Variants in APLF observed in about 807,000 individuals in gnomAD.
APLF encodes aprataxin and PNK-like factor.
In APLF, 61 loss-of-function variants were observed where a neutral mutation model predicts 55.6. That is an observed-to-expected ratio of 1.10 (90% CI 0.89 to 1.36). APLF has a LOEUF of 1.36. APLF is among the 40% of genes most tolerant of loss of function. APLF has a pLI of 0.00. For missense variants in APLF, 611 were observed against 602.5 expected, an observed-to-expected ratio of 1.01 and a Z score of -0.15; for synonymous variants, 207 against 214.8, an observed-to-expected ratio of 0.96 and a Z score of 0.32.
At position 68,513,134 on chromosome 2, in the gene APLF, C is replaced by T. The variant is rs771384417; in HGVS notation, c.396C>T (p.Pro132=). 9.9e-6 allele frequency: 16 copies of T among 1,611,174 alleles called. 1 individual carries two copies. The highest frequency in any genetic ancestry group is 8.8e-5 in the South Asian group (8 of 90,918). ...TATTGAATGAAACACCAAAATCCCC[C>T]GTGATTAATTTACCTCATGAGACTA... ...DNILNETPKS[P]VINLPHETTG... is the part of the protein sequence containing the mutation. The change falls in exon 4 of 10, where the codon CCC becomes CCT. Residue 132 remains proline (P), a synonymous_variant. Transcript: ENST00000303795.
intron 6 of APLF, among the ~76,000 whole-genome samples, chr2:68,533,259 G>A (rs1016557557): frequency 1.3e-5 from 2 of 152,192 alleles, no homozygotes; most frequent in Admixed American, 1.3e-4. Context: ...ATAAATTTCT[G>A]TTCTTTATAA....
rs201477991 is a variant in APLF at position 68,513,244 on chromosome 2, C to A, written c.489+17C>A. 434 of 1,592,870 alleles carry A rather than the reference C, an allele frequency of 2.7e-4. No homozygotes were observed. Among genetic ancestry groups the A allele is most frequent in the Non-Finnish European group, 3.5e-4 (411 of 1,172,058 alleles). ...AATAGTGTGGTGAGAAATTTGATAT[C>A]TCATCCATTTATAACATGTTCTTCA... is the stretch of plus-strand genomic sequence containing the variant. On this transcript the variant is annotated intron_variant, in intron 4 of 9. Transcript: ENST00000303795.
intron 5 of APLF, among the ~76,000 whole-genome samples, chr2:68,515,909 ATTGT>A (rs1669565756): frequency 6.6e-6 from 1 of 151,784 alleles, no homozygotes; most frequent in Non-Finnish European, 1.5e-5. Flanking sequence ...TTTTTAAAAA[ATTGT>A]TTTGTTTGTT....
At chr2:68,518,683 T>TATACAATA (rs1669756125) in intron 5 of APLF, among the ~76,000 whole-genome samples, 1 of 116,512 alleles carries the variant, frequency 8.6e-6, no homozygotes, top group African/African-American at 3.7e-5. Context: ...ATATCATGAA[T>TATACAATA]ATATATCATT....
rs769541441 is a variant in APLF, at chr2:68,526,050, A to T, written c.623-11A>T. ...GAAGATAATTTTCTTCTTTTTCTTT[A>T]TGTGTTTAAGGTAATGTAATCCAGG... On this transcript the variant is annotated splice_polypyrimidine_tract_variant and intron_variant, in intron 5 of 9. Coordinates refer to ENST00000303795, the MANE Select transcript of APLF (RefSeq NM_173545.3). 2 of 1,580,216 alleles carry T rather than the reference A, an allele frequency of 1.3e-6. No individual in the cohort carries two copies. Among genetic ancestry groups the T allele is most frequent in the Non-Finnish European group, 1.7e-6 (2 of 1,167,398 alleles).
At chr2:68,478,733 G>A (rs1675860954) in intron 1 of APLF, among the ~76,000 whole-genome samples, 1 of 152,056 alleles carries the variant, frequency 6.6e-6, no homozygotes. Flanking sequence ...AAAAAAAAAT[G>A]CCACAAAGGA....
chr2:68,502,412 T>C lies in APLF; in HGVS notation c.169-319T>C, dbSNP rs180881019. Among the ~76,000 whole-genome samples the C allele has an allele frequency of 2.8e-3, 432 of 152,252 alleles. 1 individual carries two copies. Among genetic ancestry groups the C allele is most frequent in the Non-Finnish European group, 4.7e-3 (320 of 68,012 alleles). On this transcript the variant is annotated intron_variant, in intron 2 of 9. Transcript: ENST00000303795. ...AAGAATTATTTTTCATATTTCTTCTTGTGATGTCTAGTTGTCTCTATTAAG... is the reference window on the plus strand; with the variant it reads ...AAGAATTATTTTTCATATTTCTTCTCGTGATGTCTAGTTGTCTCTATTAAG...
intron 5 of APLF, among the ~76,000 whole-genome samples, chr2:68,519,066 A>G (rs1010186721): frequency 8.7e-6 from 1 of 114,530 alleles, no homozygotes; most frequent in Non-Finnish European, 1.8e-5. Flanking sequence ...TAATTAATAT[A>G]TAATAATAAT....
In APLF at chr2:68,577,922, C is replaced by T; in HGVS notation, c.1436C>T (p.Thr479Ile). Residue 479 changes from threonine to isoleucine, a missense_variant, in exon 10 of 10, where the codon ACA (threonine) becomes ATA (isoleucine). Physicochemically the swap from Thr to Ile is moderately conservative, Grantham distance 89 (BLOSUM62 -1). Transcript: ENST00000303795. ...LDDEEEDYEP[T>I]DEDSDWEPGK... The stretch of plus-strand genomic sequence containing the variant: ...GATGAGGAAGAAGACTATGAGCCAA[C>T]AGATGAAGATTCTGACTGGGAACCA... 47 of 1,613,308 alleles carry T rather than the reference C, an allele frequency of 2.9e-5. No individual in the cohort carries two copies. Among genetic ancestry groups the T allele is most frequent in the African/African-American group, 4.0e-5 (3 of 74,868 alleles).
intron 5 of APLF, among the ~76,000 whole-genome samples, chr2:68,518,325 AATATATT>A (rs1392257402): frequency 3.5e-4 from 40 of 113,372 alleles, no homozygotes; most frequent in African/African-American, 1.4e-3. Flanking sequence ...AATAATATAT[AATATATT>A]AATAAATAAT....
At chr2:68,518,812 TA>T (rs1223703383) in intron 5 of APLF, among the ~76,000 whole-genome samples, 2 of 125,766 alleles carry the variant, frequency 1.6e-5, no homozygotes, top group East Asian at 4.6e-4. Context: ...TATCATATAA[TA>T]AAATATTAGT....
At chr2:68,497,918 A>G (rs1333965057) in intron 2 of APLF, among the ~76,000 whole-genome samples, 1 of 152,242 alleles carries the variant, frequency 6.6e-6, no homozygotes, top group Non-Finnish European at 1.5e-5. Flanking sequence ...CTTGAGTTGC[A>G]CATTAGAAAC....
At chr2:68,546,896 A>T (rs771904633) in intron 8 of APLF, among the ~76,000 whole-genome samples, 1 of 151,854 alleles carries the variant, frequency 6.6e-6, no homozygotes, top group Non-Finnish European at 1.5e-5. Flanking sequence ...GCGATTCAAG[A>T]CAGTATACTA....
intron 2 of APLF, among the ~76,000 whole-genome samples, chr2:68,500,167 A>G (rs1303285837): frequency 1.3e-5 from 2 of 152,172 alleles, no homozygotes; most frequent in Non-Finnish European, 2.9e-5. Context: ...GAGTATATGT[A>G]GTTTGACATT....
At chr2:68,505,416 A>T (rs868651274) in intron 3 of APLF, among the ~76,000 whole-genome samples, 1 of 152,164 alleles carries the variant, frequency 6.6e-6, no homozygotes, top group South Asian at 2.1e-4. Context: ...TTAGTGTGAA[A>T]GACCAGTGTC....
chr2:68,494,136 C>T (rs185937189), intron 2 of APLF, among the ~76,000 whole-genome samples: 11 of 150,660 alleles, frequency 7.3e-5, no homozygotes, highest in African/African-American at 1.2e-4. Context: ...ATTAGCCAGG[C>T]GTGGTGGTGG....
rs748875676 is a variant in APLF at position 68,538,144 on chromosome 2, A to C, written c.1077A>C (p.Ala359=). 8 of 1,614,164 alleles carry C rather than the reference A, an allele frequency of 5.0e-6. No homozygotes were observed. Among genetic ancestry groups the C allele is most frequent in the Non-Finnish European group, 8.5e-7 (1 of 1,180,002 alleles). The change falls in exon 7 of 10, where the codon GCA becomes GCC. Residue 359 remains alanine, a synonymous_variant. Transcript: ENST00000303795. ...CCTCCAATCCTGAAACTTTGCATGC[A>C]AAGGCAACTGATTCAGTTCTACAAG... is the stretch of plus-strand genomic sequence containing the variant. ...SNPSNPETLH[A]KATDSVLQGS...
At position 68,579,475 on chromosome 2, in the gene APLF, A is replaced by G. The variant is rs1558559979; in HGVS notation, c.*1453A>G. The G allele has an allele frequency of 1.1e-5, 9 of 828,808 alleles. No individual in the cohort carries two copies. The highest frequency in any genetic ancestry group is 1.3e-5 in the Non-Finnish European group (9 of 687,294). 51.3% of individuals were successfully genotyped at this position (828,808 alleles called of 1,614,324 possible). A position where few individuals can be genotyped will look rare whatever the true frequency, so the allele number is the denominator to read the frequency against. ...CCAGAGGAATTGAAAACATTTCCAC[A>G]TAAAAACTGTACACAATGTCAATAG... On this transcript the variant is annotated 3_prime_UTR_variant, in exon 10 of 10. Transcript: ENST00000303795.
intron 9 of APLF, among the ~76,000 whole-genome samples, chr2:68,568,596 G>A (rs1230721348): frequency 6.6e-6 from 1 of 152,074 alleles, no homozygotes; most frequent in African/African-American, 2.4e-5. Context: ...TTGATTAAAA[G>A]TATATATTGT....
Sources: allele counts gnomAD v4.1 joint callset (sites outside exome capture counted in the v4.1 genomes callset), GRCh38; gene constraint gnomAD v4.1.1; transcripts MANE v1.5; gene names NCBI Gene and HGNC (gene_info 2026-07-23, HGNC 2026-07-21).